Variants in MAPKAPK5 observed in about 807,000 individuals in gnomAD.
The protein encoded by MAPKAPK5 is MAP kinase-activated protein kinase 5.
A neutral mutation model predicts 65.1 loss-of-function variants in MAPKAPK5; 30 were observed. The observed-to-expected ratio is 0.46, with a 90% CI of 0.34 to 0.63. The LOEUF (loss-of-function observed/expected upper bound fraction) is 0.63, where lower values mean the gene tolerates loss of function less well. Among genes scored for constraint, MAPKAPK5 ranks in the 20% least tolerant of loss-of-function variants. MAPKAPK5 has a pLI of 0.01. For synonymous variants in MAPKAPK5, 179 were observed against 204.6 expected, an observed-to-expected ratio of 0.87 and a Z score of 1.07; for missense variants, 433 against 581.4, an observed-to-expected ratio of 0.74 and a Z score of 2.63.
At chr12:111,873,701 C>G (rs993938367) in intron 7 of MAPKAPK5, among the ~76,000 whole-genome samples, 3 of 152,122 alleles carry the variant, frequency 2.0e-5, no homozygotes, top group Non-Finnish European at 2.9e-5. Flanking sequence ...TTTCTGGATT[C>G]TATTCTGTTT....
chr12:111,844,180 C>G (rs946728200), intron 1 of MAPKAPK5, among the ~76,000 whole-genome samples: 6 of 151,078 alleles, frequency 4.0e-5, no homozygotes, highest in Non-Finnish European at 7.4e-5. Flanking sequence ...ACATATCCTT[C>G]TTTTGTTTTG....
At chr12:111,846,188 A>C (rs538649680) in intron 1 of MAPKAPK5, among the ~76,000 whole-genome samples, 2 of 152,230 alleles carry the variant, frequency 1.3e-5, no homozygotes, top group Non-Finnish European at 2.9e-5. Flanking sequence ...CCAGCATTAC[A>C]TCAAATAAAA....
At chr12:111,851,704 A>T (rs1289261005) in intron 1 of MAPKAPK5, among the ~76,000 whole-genome samples, 2 of 152,254 alleles carry the variant, frequency 1.3e-5, no homozygotes, top group Non-Finnish European at 2.9e-5. Flanking sequence ...GATAGAATGT[A>T]GTGAAAGTCT....
Position 111,901,393 on chromosome 12 carries a change from G to A in MAPKAPK5, c.*8332G>A. 4.4e-6 allele frequency: 2 copies of A among 456,092 alleles called. No individual in the cohort carries two copies. Among genetic ancestry groups the A allele is most frequent in the Non-Finnish European group, 4.4e-6 (1 of 226,808 alleles). The allele number at this position is 456,092 out of a possible 1,614,324, so 28.3% of individuals were successfully genotyped here. ...GACAGTGGCCCTCCTGGTAAGCTAG[G>A]TGGGACACCTTCAGGAGAAGGTGAA... On this transcript the variant is annotated 3_prime_UTR_variant, in exon 14 of 14. Transcript: ENST00000550735.
intron 7 of MAPKAPK5, among the ~76,000 whole-genome samples, chr12:111,874,506 T>G (rs1203002018): frequency 6.7e-6 from 1 of 149,920 alleles, no homozygotes; most frequent in African/African-American, 2.4e-5. Context: ...ATTGCACTCT[T>G]TGTTGCCCAG....
chr12:111,902,034 G>C lies in MAPKAPK5; in HGVS notation c.*8973G>C, dbSNP rs977333385. 1 of 152,414 alleles carries C rather than the reference G, an allele frequency of 6.6e-6. No individual in the cohort carries two copies. Among genetic ancestry groups the C allele is most frequent in the Non-Finnish European group, 1.5e-5 (1 of 68,318 alleles). The allele number at this position is 152,414 out of a possible 1,614,324, so 9.4% of individuals were successfully genotyped here. On this transcript the variant is annotated 3_prime_UTR_variant, in exon 14 of 14. Transcript: ENST00000550735. ...AGGACATGCTATCTTCTATTTGTTT[G>C]ACATACAGAATCATATGTACCTGAA...
intron 1 of MAPKAPK5, among the ~76,000 whole-genome samples, chr12:111,845,106 G>A (rs2068865232): frequency 6.6e-6 from 1 of 152,094 alleles, no homozygotes; most frequent in African/African-American, 2.4e-5. Flanking sequence ...GCTTCTCTAG[G>A]TAGACTCAGT....
At chr12:111,867,174 C>T (rs915488449) in intron 3 of MAPKAPK5, among the ~76,000 whole-genome samples, 2 of 152,150 alleles carry the variant, frequency 1.3e-5, no homozygotes, top group African/African-American at 4.8e-5. Flanking sequence ...TCAAGTGATC[C>T]ACTTTGGCCT....
In MAPKAPK5 at chr12:111,890,166, C is replaced by T. The variant is rs750688025; in HGVS notation, c.1321+22C>T. On this transcript the variant is annotated intron_variant, in intron 13 of 13. Coordinates refer to ENST00000550735, the MANE Select transcript of MAPKAPK5 (RefSeq NM_003668.4). ...AATGGTAGGAGCCTTCATCAACTCC[C>T]TTCCCCAGGAATGCAGACAAGTGAT... The T allele has an allele frequency of 2.3e-5, 34 of 1,487,204 alleles. No homozygotes were observed. In the East Asian group the frequency reaches 7.6e-4, roughly 33 times the overall value. 92.1% of individuals were successfully genotyped at this position (1,487,204 alleles called of 1,614,324 possible).
rs1239020379 is a variant in MAPKAPK5, at chr12:111,866,163, G to A, written c.118G>A (p.Val40Ile). ...AGISGPVRVC[V>I]KKSTQERFAL... ...TTTTTTCTCCAAATCTAGAGTCTGTGTAAAGAAATCTACTCAAGAACGGTT... is the reference window on the plus strand; with the variant it reads ...TTTTTTCTCCAAATCTAGAGTCTGTATAAAGAAATCTACTCAAGAACGGTT... The change falls in exon 3 of 14, where the codon GTA becomes ATA. Residue 40 changes from valine (V) to isoleucine (I), a missense_variant. By Grantham distance (29) the Val-to-Ile change is conservative. Coordinates refer to ENST00000550735, the MANE Select transcript of MAPKAPK5 (RefSeq NM_003668.4). 3.1e-6 allele frequency: 5 copies of A among 1,608,956 alleles called. No individual in the cohort carries two copies. The highest frequency in any genetic ancestry group is 1.1e-5 in the South Asian group (1 of 89,842).
chr12:111,842,320 G>C lies in MAPKAPK5; in HGVS notation c.-414G>C, dbSNP rs2068741128. 6.4e-6 allele frequency: 1 copy of C among 156,184 alleles called. No homozygotes were observed. Among genetic ancestry groups the C allele is most frequent in the South Asian group, 1.9e-4 (1 of 5,190 alleles). 9.7% of individuals were successfully genotyped at this position (156,184 alleles called of 1,614,324 possible). A position where few individuals can be genotyped will look rare whatever the true frequency, so the allele number is the denominator to read the frequency against. ...CTTCGGCTTCGCGGCGGTGCAGGCG[G>C]CGGAGGCGGAGGCGCAGGCTCTTCT... On this transcript the variant is annotated 5_prime_UTR_variant, in exon 1 of 14. Coordinates refer to ENST00000550735, the MANE Select transcript of MAPKAPK5 (RefSeq NM_003668.4).
intron 13 of MAPKAPK5, among the ~76,000 whole-genome samples, chr12:111,890,353 G>C (rs2070561191): frequency 6.6e-6 from 1 of 152,102 alleles, no homozygotes; most frequent in Non-Finnish European, 1.5e-5. Flanking sequence ...TTATTTTCCG[G>C]AGTTCAAGTG....
intron 1 of MAPKAPK5, among the ~76,000 whole-genome samples, chr12:111,862,768 A>G (rs2069483747): frequency 6.6e-6 from 1 of 152,126 alleles, no homozygotes. Context: ...GGGCATATGA[A>G]CTCTGATTAT....
At position 111,901,326 on chromosome 12, in the gene MAPKAPK5, G is replaced by C. The variant is rs1232812565; in HGVS notation, c.*8265G>C. The C allele has an allele frequency of 1.1e-5, 5 of 455,872 alleles. No homozygotes were observed. The highest frequency in any genetic ancestry group is 1.8e-5 in the Non-Finnish European group (4 of 226,784). The allele number at this position is 455,872 out of a possible 1,614,324, so 28.2% of individuals were successfully genotyped here. On this transcript the variant is annotated 3_prime_UTR_variant, in exon 14 of 14. Coordinates refer to ENST00000550735, the MANE Select transcript of MAPKAPK5 (RefSeq NM_003668.4). ...GCACTGCCACTGTAATGAAGGGCATGCCCCCCCTGACTGTGTTACTGCAGG... is the reference window on the plus strand; with the variant it reads ...GCACTGCCACTGTAATGAAGGGCATCCCCCCCCTGACTGTGTTACTGCAGG...
chr12:111,871,017 C>A, intron 6 of MAPKAPK5, 68 bp from the exon 7 acceptor site: 5 of 1,180,384 alleles, frequency 4.2e-6, no homozygotes, highest in Non-Finnish European at 6.2e-6. Context: ...ACATGTCTTA[C>A]ACCTGGATTT....
intron 1 of MAPKAPK5, among the ~76,000 whole-genome samples, chr12:111,859,886 T>C (rs945516425): frequency 1.3e-5 from 2 of 151,586 alleles, no homozygotes; most frequent in Non-Finnish European, 2.9e-5. Flanking sequence ...TGACCTCAGG[T>C]GATCCACCCG....
chr12:111,870,424 G>A, intron 6 of MAPKAPK5, 64 bp downstream of exon 6: 2 of 1,333,718 alleles, frequency 1.5e-6, no homozygotes, highest in Non-Finnish European at 2.1e-6. Context: ...GAGTGGGTGT[G>A]TTTGGAGCGC....
At chr12:111,846,959 G>T (rs2068924164) in intron 1 of MAPKAPK5, among the ~76,000 whole-genome samples, 1 of 152,080 alleles carries the variant, frequency 6.6e-6, no homozygotes, top group Non-Finnish European at 1.5e-5. Flanking sequence ...TATGTATAGG[G>T]CTCACTACTA....
rs2136183575 is a variant in MAPKAPK5 at position 111,899,830 on chromosome 12, G to T, written c.*6769G>T. On this transcript the variant is annotated 3_prime_UTR_variant, in exon 14 of 14. Coordinates refer to ENST00000550735, the MANE Select transcript of MAPKAPK5 (RefSeq NM_003668.4). The stretch of plus-strand genomic sequence containing the variant: ...TTGAGCCCATGGACTCTTCAAGACG[G>T]TTTGAACATGTGTTATACACCATGG... The T allele has an allele frequency of 2.3e-6, 1 of 440,054 alleles. No homozygotes were observed. The highest frequency in any genetic ancestry group is 1.6e-5 in the South Asian group (1 of 63,864). The allele number at this position is 440,054 out of a possible 1,614,324, so 27.3% of individuals were successfully genotyped here.
Sources: gnomAD v4.1 joint callset for allele counts (sites outside exome capture counted in the v4.1 genomes callset) on GRCh38, gnomAD v4.1.1 for gene constraint, MANE v1.5 for transcripts, NCBI Gene and HGNC (gene_info 2026-07-23, HGNC 2026-07-21) for gene names.